HAMP: variants seen among roughly 807,000 people sequenced by gnomAD.
HAMP encodes hepcidin antimicrobial peptide, also known as hepcidin.
HAMP carries 5 observed loss-of-function variants against 7.8 expected under a neutral mutation model. That is an observed-to-expected ratio of 0.64 (90% confidence interval 0.33 to 1.34). The LOEUF (loss-of-function observed/expected upper bound fraction) is 1.34. HAMP is among the 40% of genes most tolerant of loss of function. The pLI is 0.05. For missense variants in HAMP, 105 were observed against 104.1 expected (o/e 1.01, Z -0.04); for synonymous variants, 52 against 38.6 (o/e 1.35, Z -1.28).
rs201371612 is a variant in HAMP at position 35,282,604 on chromosome 19, C to A, written c.27C>A (p.Ala9=). 1 of 1,614,124 alleles carries A rather than the reference C, an allele frequency of 6.2e-7. No homozygotes were observed. Among genetic ancestry groups the A allele is most frequent in the South Asian group, 1.1e-5 (1 of 91,088 alleles). ...TGGCACTGAGCTCCCAGATCTGGGC[C>A]GCTTGCCTCCTGCTCCTCCTCCTCC... MALSSQIW[A]ACLLLLLLLA... is the part of the protein sequence containing the mutation. The change falls in exon 1 of 3, where the codon GCC becomes GCA. Residue 9 remains alanine (A), a synonymous_variant. Transcript: ENST00000222304.
chr19:35,284,858 A>G lies in HAMP; in HGVS notation c.150+10A>G. The G allele has an allele frequency of 1.9e-6, 3 of 1,612,440 alleles. No individual in the cohort carries two copies. Among genetic ancestry groups the G allele is most frequent in the Non-Finnish European group, 1.7e-6 (2 of 1,178,506 alleles). ...CAGGGCCAGCTGGATGGTGAGCGCA[A>G]CAGTGATGCCTTTCCTAGCCCCCTG... is the stretch of plus-strand genomic sequence containing the variant. On this transcript the variant is annotated intron_variant, in intron 2 of 2. Transcript: ENST00000222304.
intron 1 of HAMP, chr19:35,283,009 C>T (rs1015354976): frequency 2.9e-5 from 10 of 342,344 alleles, no homozygotes; most frequent in Non-Finnish European, 5.2e-5. Context: ...TGCTTGAACC[C>T]GCAAGGTGGA....
intron 1 of HAMP, 94 bp downstream of exon 1, chr19:35,282,761 AG>A (rs1419354675): frequency 1.6e-4 from 162 of 983,114 alleles, no homozygotes; most frequent in African/African-American, 1.5e-3. Flanking sequence ...AGCACTGAGC[AG>A]AGCTCAGGAC....
chr19:35,284,408 G>A lies in HAMP; in HGVS notation c.91-381G>A, dbSNP rs1325629694. 5.7e-5 allele frequency: 19 copies of A among 333,712 alleles called. No individual in the cohort carries two copies. The East Asian group carries it at 1.4e-3, about 24-fold the overall frequency. The allele number at this position is 333,712 out of a possible 1,614,324, so 20.7% of individuals were successfully genotyped here. On this transcript the variant is annotated intron_variant, in intron 1 of 2. Coordinates refer to ENST00000222304, the MANE Select transcript of HAMP (RefSeq NM_021175.4). ...TGCAGGGAGCTATGACTGTGCCACT[G>A]CACTCTGGCCTGGGCAACAGAGGAA...
chr19:35,282,765 C>T, intron 1 of HAMP, 98 bp downstream of exon 1: 1 of 904,732 alleles, frequency 1.1e-6, no homozygotes, highest in Non-Finnish European at 1.9e-6. Context: ...CTGAGCAGAG[C>T]TCAGGACGTC....
chr19:35,284,704 T>C, intron 1 of HAMP, 85 bp from the exon 2 acceptor site: 1 of 1,017,546 alleles, frequency 9.8e-7, no homozygotes, highest in Non-Finnish European at 1.6e-6. Context: ...TTTAAACCAC[T>C]TGGAGAGGAG....
intron 1 of HAMP, chr19:35,284,368 A>G (rs2066316594): frequency 4.3e-6 from 1 of 233,790 alleles, no homozygotes; most frequent in Non-Finnish European, 8.5e-6. Flanking sequence ...TCGCTTGAGC[A>G]CAGGAGGTCA....
intron 1 of HAMP, chr19:35,283,549 G>C (rs889562755): frequency 6.6e-6 from 1 of 152,288 alleles, no homozygotes; most frequent in Non-Finnish European, 1.5e-5. Flanking sequence ...CCACAGGCAT[G>C]GTCAAGGGGC....
intron 1 of HAMP, chr19:35,283,017 GGA>G: frequency 2.9e-6 from 1 of 340,728 alleles, no homozygotes; most frequent in Non-Finnish European, 5.8e-6. Flanking sequence ...CCCGCAAGGT[GGA>G]GGTTGCACAG....
In HAMP at chr19:35,282,635, A is replaced by T. The variant is rs1386378964; in HGVS notation, c.58A>T (p.Ser20Cys). ...ACLLLLLLLASLTSGSVFPQQ... is the reference protein window; with the variant it reads ...ACLLLLLLLACLTSGSVFPQQ... ...CCTCCTGCTCCTCCTCCTCCTCGCC[A>T]GCCTGACCAGTGGCTCTGTTTTCCC... is the stretch of plus-strand genomic sequence containing the variant. The change falls in exon 1 of 3, where the codon AGC becomes TGC. Residue 20 changes from serine (S) to cysteine (C), a missense_variant. Transcript: ENST00000222304. The T allele has an allele frequency of 6.2e-7, 1 of 1,614,142 alleles. No individual in the cohort carries two copies. Among genetic ancestry groups the T allele is most frequent in the Admixed American group, 1.7e-5 (1 of 60,024 alleles).
At chr19:35,282,843 T>G in intron 1 of HAMP, 176 bp downstream of exon 1, 1 of 624,062 alleles carries the variant, frequency 1.6e-6, no homozygotes. Context: ...ATCCCAGCAC[T>G]TTGGGAGGTT....
intron 1 of HAMP, 35 bp from the exon 2 acceptor site, chr19:35,284,754 C>T (rs1343477047): frequency 1.3e-6 from 2 of 1,568,840 alleles, no homozygotes; most frequent in Non-Finnish European, 1.8e-6. Context: ...CACTGGGCCC[C>T]CTGCCATCCT....
At position 35,284,798 on chromosome 19, in the gene HAMP, C is replaced by A. The variant is rs140722547; in HGVS notation, c.100C>A (p.Leu34Ile). Residue 34 changes from leucine to isoleucine, a missense_variant, in exon 2 of 3, where the codon CTT becomes ATT. Coordinates refer to ENST00000222304, the MANE Select transcript of HAMP (RefSeq NM_021175.4). ...GSVFPQQTGQ[L>I]AELQPQDRAG... ...CCTTCTGCTTTCACAGACGGGACAA[C>A]TTGCAGAGCTGCAACCCCAGGACAG... 31 of 1,613,778 alleles carry A rather than the reference C, an allele frequency of 1.9e-5. No homozygotes were observed. In the African/African-American group the frequency reaches 2.0e-4, roughly 10 times the overall value.
chr19:35,282,773 G>T, intron 1 of HAMP, 106 bp downstream of exon 1: 1 of 881,948 alleles, frequency 1.1e-6, no homozygotes, highest in Non-Finnish European at 1.9e-6. Context: ...AGCTCAGGAC[G>T]TCTCAGGAGT....
chr19:35,284,863 G>A lies in HAMP; in HGVS notation c.150+15G>A, dbSNP rs769666853. Reference sequence around the variant, plus strand: ...CCAGCTGGATGGTGAGCGCAACAGTGATGCCTTTCCTAGCCCCCTGCTCCC... The same window carrying A: ...CCAGCTGGATGGTGAGCGCAACAGTAATGCCTTTCCTAGCCCCCTGCTCCC... On this transcript the variant is annotated intron_variant, in intron 2 of 2. Coordinates refer to ENST00000222304, the MANE Select transcript of HAMP (RefSeq NM_021175.4). The A allele has an allele frequency of 4.2e-5, 67 of 1,612,266 alleles. No homozygotes were observed. The highest frequency in any genetic ancestry group is 5.3e-5 in the Non-Finnish European group (63 of 1,178,458).
At chr19:35,284,493 G>A in intron 1 of HAMP, 1 of 539,524 alleles carries the variant, frequency 1.9e-6, no homozygotes, top group Admixed American at 3.1e-5. Context: ...TGGATTGAGG[G>A]GCAAGAATGC....
In HAMP at chr19:35,284,855, G is replaced by C. The variant is rs201587159; in HGVS notation, c.150+7G>C. ...AGCCAGGGCCAGCTGGATGGTGAGC[G>C]CAACAGTGATGCCTTTCCTAGCCCC... On this transcript the variant is annotated splice_region_variant and intron_variant, in intron 2 of 2. Coordinates refer to ENST00000222304, the MANE Select transcript of HAMP (RefSeq NM_021175.4). The C allele has an allele frequency of 1.1e-4, 180 of 1,612,612 alleles. 1 individual carries two copies. Among genetic ancestry groups the C allele is most frequent in the South Asian group, 9.8e-4 (89 of 91,048 alleles).
chr19:35,284,998 G>T lies in HAMP; in HGVS notation c.211G>T (p.Gly71Cys). The change falls in exon 3 of 3, where the codon GGC (glycine) becomes TGC (cysteine). Residue 71 changes from glycine to cysteine, a missense_variant. Physicochemically the swap from Gly to Cys is radical, Grantham distance 159. Transcript: ENST00000222304. Reference sequence around the variant, plus strand: ...CTTCCCCATCTGCATTTTCTGCTGCGGCTGCTGTCATCGATCAAAGTGTGG... The same window carrying T: ...CTTCCCCATCTGCATTTTCTGCTGCTGCTGCTGTCATCGATCAAAGTGTGG... ...THFPICIFCC[G>C]CCHRSKCGMC... 9 of 1,613,998 alleles carry T rather than the reference G, an allele frequency of 5.6e-6. No individual in the cohort carries two copies. Among genetic ancestry groups the T allele is most frequent in the Non-Finnish European group, 6.8e-6 (8 of 1,179,910 alleles).
intron 1 of HAMP, 48 bp from the exon 2 acceptor site, chr19:35,284,741 G>A (rs1399191945): frequency 6.9e-7 from 1 of 1,459,340 alleles, no homozygotes; most frequent in Admixed American, 1.7e-5. Context: ...AGTCTCAGAG[G>A]TCCACTGGGC....
Sources: allele counts gnomAD v4.1 joint callset, GRCh38; gene constraint gnomAD v4.1.1; transcripts MANE v1.5; gene names NCBI Gene and HGNC (gene_info 2026-07-23, HGNC 2026-07-21).